Variants in DDIAS observed in about 807,000 individuals in gnomAD.
DDIAS encodes DNA damage-induced apoptosis suppressor protein.
A neutral mutation model predicts 15.7 loss-of-function variants in DDIAS; 14 were observed. The ratio of observed to expected loss-of-function variants is 0.89; its 90% confidence interval spans 0.59 to 1.39. The LOEUF (loss-of-function observed/expected upper bound fraction) is 1.39. DDIAS is among the 40% of genes most tolerant of loss of function. The pLI is 0.00. For missense variants in DDIAS, 1,035 were observed against 1,130.9 expected (o/e 0.92, Z 1.22); for synonymous variants, 355 against 395.9 (o/e 0.90, Z 1.23).
intron 2 of DDIAS, chr11:82,913,883 T>G: frequency 2.4e-6 from 1 of 411,348 alleles, no homozygotes; most frequent in Non-Finnish European, 4.7e-6. Flanking sequence ...ATAAAATTTG[T>G]TTATGTTTTA....
chr11:82,907,278 A>G (rs1036535844), intron 1 of DDIAS, among the ~76,000 whole-genome samples: 1 of 152,210 alleles, frequency 6.6e-6, no homozygotes, highest in Non-Finnish European at 1.5e-5. Flanking sequence ...ATAAAGAGCA[A>G]AAAGAAAGTT....
At chr11:82,915,626 A>G (rs1193099913) in intron 3 of DDIAS, among the ~76,000 whole-genome samples, 2 of 152,228 alleles carry the variant, frequency 1.3e-5, no homozygotes, top group Non-Finnish European at 2.9e-5. Context: ...CACTCTCTCA[A>G]GCACTCATTT....
At chr11:82,905,014 G>A (rs997404599) in intron 1 of DDIAS, among the ~76,000 whole-genome samples, 1 of 152,082 alleles carries the variant, frequency 6.6e-6, no homozygotes, top group Non-Finnish European at 1.5e-5. Context: ...GAACATCTTT[G>A]GATTACAGTT....
Position 82,931,851 on chromosome 11 carries a change from T to C in DDIAS, c.513T>C (p.Gly171=). ...GCCAGATTGTTCTACCAGACCCAGG[T>C]ATTGCAGGCTTTACTGTCATTGACT... ...VACQIVLPDP[G]IAGFTVIDYF... The change falls in exon 6 of 6, where the codon GGT becomes GGC. Residue 171 remains glycine (G), a synonymous_variant. Transcript: ENST00000533655. 1.2e-6 allele frequency: 2 copies of C among 1,614,218 alleles called. No homozygotes were observed. Among genetic ancestry groups the C allele is most frequent in the Non-Finnish European group, 1.7e-6 (2 of 1,180,034 alleles).
chr11:82,906,875 A>G (rs77599934), intron 1 of DDIAS, among the ~76,000 whole-genome samples: 3,980 of 152,270 alleles, frequency 0.026, 182 homozygotes, highest in African/African-American at 0.091. Context: ...CTATGTGACA[A>G]AATTGTGGCT....
At chr11:82,923,051 G>C (rs1163602583) in intron 3 of DDIAS, among the ~76,000 whole-genome samples, 1 of 152,138 alleles carries the variant, frequency 6.6e-6, no homozygotes, top group Non-Finnish European at 1.5e-5. Context: ...ATCGTTTATG[G>C]GTGTCTCGGC....
Position 82,930,196 on chromosome 11 carries a change from C to A in DDIAS, c.315C>A (p.Asp105Glu). Residue 105 changes from aspartate (D) to glutamate (E), a missense_variant, in exon 5 of 6, where the codon GAC becomes GAA. Coordinates refer to ENST00000533655, the MANE Select transcript of DDIAS (RefSeq NM_145018.4). The part of the protein sequence containing the change: ...QDPNKIPETL[D>E]NDTTQNLLTK... ...CTAATAAAATTCCAGAAACACTGGA[C>A]AATGATACAACTCAGAATCTATTAA... 1 of 1,601,338 alleles carries A rather than the reference C, an allele frequency of 6.2e-7. No individual in the cohort carries two copies. The highest frequency in any genetic ancestry group is 8.5e-7 in the Non-Finnish European group (1 of 1,172,766).
Position 82,932,218 on chromosome 11 carries a change from G to T in DDIAS, c.880G>T (p.Asp294Tyr). ...CAGTAGCTGCCATGATCCCATTCAG[G>T]ATTCATGGAGCCTTGTTTCATATAT... ...GSSSCHDPIQ[D>Y]SWSLVSYMDK... Residue 294 changes from aspartate to tyrosine, a missense_variant, in exon 6 of 6, where the codon GAT becomes TAT. By Grantham distance (160) the Asp-to-Tyr change is radical (BLOSUM62 -3). Transcript: ENST00000533655. 1 of 1,613,916 alleles carries T rather than the reference G, an allele frequency of 6.2e-7. No homozygotes were observed. The highest frequency in any genetic ancestry group is 8.5e-7 in the Non-Finnish European group (1 of 1,179,982).
intron 3 of DDIAS, among the ~76,000 whole-genome samples, chr11:82,925,294 T>G (rs576250005): frequency 1.3e-5 from 2 of 152,342 alleles, no homozygotes; most frequent in South Asian, 4.1e-4. Flanking sequence ...AATTTCTCGT[T>G]TTATGAGAAA....
At chr11:82,914,665 GA>G (rs1453158011) in intron 2 of DDIAS, 57 bp from the exon 3 acceptor site, 2 of 830,334 alleles carry the variant, frequency 2.4e-6, no homozygotes, top group Non-Finnish European at 2.0e-6. Flanking sequence ...CCTAAGAAAA[GA>G]ATATGCACTG....
At chr11:82,913,531 C>T (rs1233855989) in intron 2 of DDIAS, 145 bp downstream of exon 2, 2 of 287,576 alleles carry the variant, frequency 7.0e-6, no homozygotes, top group Non-Finnish European at 1.4e-5. Context: ...AGACATAAGC[C>T]ACCACACTTG....
intron 3 of DDIAS, among the ~76,000 whole-genome samples, chr11:82,926,088 A>AT (rs71063242): frequency 0.052 from 7,014 of 133,882 alleles, 322 homozygotes; most frequent in African/African-American, 0.087. Flanking sequence ...TTGGCAAGTA[A>AT]TTTTTTTTTT....
At chr11:82,919,546 G>C (rs886717727) in intron 3 of DDIAS, among the ~76,000 whole-genome samples, 2 of 152,148 alleles carry the variant, frequency 1.3e-5, no homozygotes. Context: ...CAAGGATATC[G>C]GGCAGTAGTT....
intron 4 of DDIAS, among the ~76,000 whole-genome samples, chr11:82,929,655 G>C (rs1860942363): frequency 1.4e-5 from 2 of 146,160 alleles, no homozygotes. Context: ...AGTGAGCCAA[G>C]ATTGCACCAC....
chr11:82,903,014 G>A (rs1860353458), intron 1 of DDIAS, among the ~76,000 whole-genome samples: 1 of 152,226 alleles, frequency 6.6e-6, no homozygotes, highest in South Asian at 2.1e-4. Flanking sequence ...AGATGAGCGT[G>A]ATCCAACCAT....
chr11:82,915,738 G>A (rs1349082042), intron 3 of DDIAS, among the ~76,000 whole-genome samples: 1 of 152,140 alleles, frequency 6.6e-6, no homozygotes, highest in Non-Finnish European at 1.5e-5. Flanking sequence ...TTAAATGAAT[G>A]AATAAGTGAT....
chr11:82,915,115 C>T (rs1240025808), intron 3 of DDIAS, among the ~76,000 whole-genome samples: 1 of 152,150 alleles, frequency 6.6e-6, no homozygotes, highest in Non-Finnish European at 1.5e-5. Flanking sequence ...ATACTGGGTA[C>T]AAAACTTAGC....
Position 82,932,626 on chromosome 11 carries a change from G to A in DDIAS, c.1288G>A (p.Glu430Lys). The A allele has an allele frequency of 6.2e-7, 1 of 1,614,144 alleles. No individual in the cohort carries two copies. The highest frequency in any genetic ancestry group is 1.1e-5 in the South Asian group (1 of 91,074). ...ESLNKFLAVL[E>K]SEIAVTQADV... ...CCTGAACAAGTTTCTGGCAGTTCTT[G>A]AAAGTGAGATTGCTGTAACCCAGGC... is the stretch of plus-strand genomic sequence containing the variant. Residue 430 changes from glutamate (E) to lysine (K), a missense_variant, in exon 6 of 6, where the codon GAA becomes AAA. By Grantham distance (56) the Glu-to-Lys change is moderately conservative (BLOSUM62 1). Coordinates refer to ENST00000533655, the MANE Select transcript of DDIAS (RefSeq NM_145018.4).
In DDIAS at chr11:82,933,262, C is replaced by A. The variant is rs748976259; in HGVS notation, c.1924C>A (p.Pro642Thr). ...TCCTTTAGAAACTCTTTGCAATAGT[C>A]CAAATAGAAGTACAAATACATTGAA... ...TYPLETLCNSPNRSTNTLKEM... is the reference protein window; with the variant it reads ...TYPLETLCNSTNRSTNTLKEM... The change falls in exon 6 of 6, where the codon CCA (proline) becomes ACA (threonine). Residue 642 changes from proline to threonine, a missense_variant. Physicochemically the swap from Pro to Thr is conservative, Grantham distance 38 (BLOSUM62 -1). Coordinates refer to ENST00000533655, the MANE Select transcript of DDIAS (RefSeq NM_145018.4). 3 of 1,612,478 alleles carry A rather than the reference C, an allele frequency of 1.9e-6. No homozygotes were observed. In the African/African-American group the frequency reaches 4.0e-5, roughly 22 times the overall value.
Sources: gnomAD v4.1 joint callset for allele counts (sites outside exome capture counted in the v4.1 genomes callset) on GRCh38, gnomAD v4.1.1 for gene constraint, MANE v1.5 for transcripts, NCBI Gene and HGNC (gene_info 2026-07-23, HGNC 2026-07-21) for gene names.